Variants in MBNL2 observed in about 807,000 individuals in gnomAD.
MBNL2 encodes the protein muscleblind like splicing regulator 2.
A neutral mutation model predicts 41.9 loss-of-function variants in MBNL2; 17 were observed. The observed-to-expected ratio is 0.41, with a 90% CI of 0.28 to 0.61. MBNL2 has a LOEUF of 0.61. Ranked by LOEUF, MBNL2 falls within the 20% of genes least tolerant of loss-of-function variation. The pLI, the probability that MBNL2 is intolerant of heterozygous loss-of-function variation, is 0.35. For synonymous variants in MBNL2, 195 were observed against 182.9 expected (o/e 1.07, Z -0.53); for missense variants, 336 against 505.6 (o/e 0.66, Z 3.22).
At chr13:97,156,181 T>C in the MBNL2 span, among the ~76,000 whole-genome samples, 14 of 112,112 alleles carry the variant, frequency 1.2e-4, no homozygotes, top group African/African-American at 2.9e-4. Context: ...GTTTTTTGGC[T>C]GCATAAATGT....
chr13:97,256,140 C>T (rs531510461), intron 1 of MBNL2, among the ~76,000 whole-genome samples: 48 of 152,190 alleles, frequency 3.2e-4, no homozygotes, highest in Admixed American at 6.5e-4. Context: ...GCAAGGCTGA[C>T]AGAACAGTTG....
At chr13:97,241,361 A>C (rs539941368) in intron 1 of MBNL2, among the ~76,000 whole-genome samples, 13 of 152,340 alleles carry the variant, frequency 8.5e-5, no homozygotes, top group African/African-American at 3.1e-4. Flanking sequence ...TTTGATCAGC[A>C]CACAGGGAGA....
chr13:97,209,028 C>T, the MBNL2 span, among the ~76,000 whole-genome samples: 9 of 152,140 alleles, frequency 5.9e-5, no homozygotes, highest in East Asian at 1.9e-4. Flanking sequence ...TTCTTAAATG[C>T]GGGGGCAAAC....
At chr13:97,282,489 T>G (rs189049589) in intron 2 of MBNL2, among the ~76,000 whole-genome samples, 2 of 152,280 alleles carry the variant, frequency 1.3e-5, no homozygotes, top group Admixed American at 1.3e-4. Context: ...TTGTATTTGT[T>G]TCTGTTTTTG....
chr13:97,210,371 G>T, the MBNL2 span, among the ~76,000 whole-genome samples: 2 of 152,156 alleles, frequency 1.3e-5, no homozygotes, highest in South Asian at 2.1e-4. Flanking sequence ...ATGACGGTTA[G>T]TGTGTGATGA....
chr13:97,272,024 T>A (rs1369795931), intron 1 of MBNL2, among the ~76,000 whole-genome samples: 2 of 152,220 alleles, frequency 1.3e-5, no homozygotes, highest in Non-Finnish European at 2.9e-5. Flanking sequence ...ATGGTTGAAC[T>A]AATTTACATT....
chr13:97,142,421 A>T, the MBNL2 span, among the ~76,000 whole-genome samples: 1 of 152,284 alleles, frequency 6.6e-6, no homozygotes, highest in Middle Eastern at 3.4e-3. Context: ...TTGTCTAAAC[A>T]ATCTCCACTA....
the MBNL2 span, among the ~76,000 whole-genome samples, chr13:97,170,038 A>T: frequency 6.6e-6 from 1 of 152,190 alleles, no homozygotes; most frequent in African/African-American, 2.4e-5. Context: ...TTACTGCATG[A>T]CTGAAATTAT....
chr13:97,365,033 A>T, intron 7 of MBNL2, 103 bp from the exon 8 acceptor site: 1 of 809,358 alleles, frequency 1.2e-6, no homozygotes, highest in Non-Finnish European at 2.2e-6. Context: ...AACCCTACTT[A>T]TTTCTGGTTG....
In MBNL2 at chr13:97,391,620, G is replaced by T; in HGVS notation, c.*171G>T. ...AAAGGATAAAGTTTACTTTTAAAGG[G>T]TTTCTAAACATAGTTTCTGTCCTAG... On this transcript the variant is annotated 3_prime_UTR_variant, in exon 9 of 9. Transcript: ENST00000679496. The T allele has an allele frequency of 3.7e-6, 2 of 542,512 alleles. No individual in the cohort carries two copies. The highest frequency in any genetic ancestry group is 3.2e-6 in the Non-Finnish European group (1 of 311,394). 33.6% of individuals were successfully genotyped at this position (542,512 alleles called of 1,614,324 possible). A position where few individuals can be genotyped will look rare whatever the true frequency, so the allele number is the denominator to read the frequency against.
chr13:97,309,485 A>C (rs2058395791), intron 2 of MBNL2, among the ~76,000 whole-genome samples: 1 of 152,198 alleles, frequency 6.6e-6, no homozygotes, highest in African/African-American at 2.4e-5. Context: ...AAGAGACAGG[A>C]AGAAGATGGC....
chr13:97,363,153 T>C (rs1010790470), intron 7 of MBNL2: 4 of 152,080 alleles, frequency 2.6e-5, no homozygotes, highest in Non-Finnish European at 5.9e-5. Context: ...CCTGTTACAT[T>C]TGAGACACTT....
intron 1 of MBNL2, among the ~76,000 whole-genome samples, chr13:97,244,135 C>T (rs555899614): frequency 3.3e-5 from 5 of 152,310 alleles, no homozygotes; most frequent in Admixed American, 2.6e-4. Flanking sequence ...TAAAGGCTAA[C>T]TTACAGGATT....
intron 2 of MBNL2, among the ~76,000 whole-genome samples, chr13:97,307,969 TA>T (rs1295094879): frequency 6.6e-6 from 1 of 152,180 alleles, no homozygotes; most frequent in Non-Finnish European, 1.5e-5. Context: ...ATACAGGGGA[TA>T]AAAACAAAAA....
rs1362257187 is a variant in MBNL2, at chr13:97,343,070, C to T, written c.394C>T (p.Pro132Ser). ...IGTNTAISFA[P>S]YLAPVTPGVG... ...GACAAATACGGCTATTAGCTTTGCT[C>T]CTTACCTAGCACCTGTAACCCCTGG... Residue 132 changes from proline to serine, a missense_variant, in exon 4 of 9, where the codon CCT (proline) becomes TCT (serine). Coordinates refer to ENST00000679496, the MANE Select transcript of MBNL2 (RefSeq NM_001382683.1). 3.1e-6 allele frequency: 5 copies of T among 1,614,056 alleles called. No individual in the cohort carries two copies. The Admixed American group carries it at 6.7e-5, about 22-fold the overall frequency.
At chr13:97,390,347 TA>T (rs1183223291) in intron 8 of MBNL2, among the ~76,000 whole-genome samples, 1 of 152,168 alleles carries the variant, frequency 6.6e-6, no homozygotes, top group Non-Finnish European at 1.5e-5. Flanking sequence ...CTTAGGAAAA[TA>T]AGGCTTTTGT....
At chr13:97,213,066 C>T in the MBNL2 span, among the ~76,000 whole-genome samples, 1 of 152,086 alleles carries the variant, frequency 6.6e-6, no homozygotes, top group Admixed American at 6.5e-5. Context: ...TCCCAGATAA[C>T]CATGGTTGTG....
At chr13:97,216,416 A>G in the MBNL2 span, among the ~76,000 whole-genome samples, 1 of 152,320 alleles carries the variant, frequency 6.6e-6, no homozygotes, top group Non-Finnish European at 1.5e-5. Context: ...AAAGTAAAAA[A>G]TAGCAGTACA....
chr13:97,329,549 C>T (rs982435813), intron 2 of MBNL2, among the ~76,000 whole-genome samples: 1 of 150,278 alleles, frequency 6.7e-6, no homozygotes, highest in Admixed American at 6.7e-5. Context: ...AGCTGCGTGC[C>T]TGCCCCTAGA....
Sources: gnomAD v4.1 joint callset for allele counts (sites outside exome capture counted in the v4.1 genomes callset) on GRCh38, gnomAD v4.1.1 for gene constraint, MANE v1.5 for transcripts, NCBI Gene and HGNC (gene_info 2026-07-23, HGNC 2026-07-21) for gene names.